P2RX3: variants seen among roughly 807,000 people sequenced by gnomAD.
P2RX3 encodes the protein P2X purinoceptor 3.
Under a neutral mutation model 51.5 loss-of-function variants are expected in P2RX3, and 41 were observed. The ratio of observed to expected loss-of-function variants is 0.80; its 90% confidence interval spans 0.62 to 1.03. The LOEUF (loss-of-function observed/expected upper bound fraction) is 1.03. P2RX3 is among the 50% of genes least tolerant of loss of function. The pLI, the probability that P2RX3 is intolerant of heterozygous loss-of-function variation, is 0.00. For synonymous variants in P2RX3, 185 were observed against 191.6 expected (o/e 0.97, Z 0.29); for missense variants, 459 against 522.1 (o/e 0.88, Z 1.18).
At position 57,348,190 on chromosome 11, in the gene P2RX3, G is replaced by A. The variant is rs186395541; in HGVS notation, c.412G>A (p.Val138Met). The change falls in exon 5 of 12, where the codon GTG (valine) becomes ATG (methionine). Residue 138 changes from valine (V) to methionine (M), a missense_variant. Val to Met is a conservative substitution (Grantham distance 21). Transcript: ENST00000263314. The part of the protein sequence containing the change: ...PGGGILTGRC[V>M]NYSSVLRTCE... The stretch of plus-strand genomic sequence containing the variant: ...TTTAGGGATCCTCACTGGCCGCTGC[G>A]TGAACTACAGCTCTGTGCTCCGGAC... 1.0e-4 allele frequency: 167 copies of A among 1,594,986 alleles called. No individual in the cohort carries two copies. Among genetic ancestry groups the A allele is most frequent in the East Asian group, 8.6e-4 (38 of 44,270 alleles).
intron 1 of P2RX3, among the ~76,000 whole-genome samples, chr11:57,341,188 T>C (rs367853020): frequency 3.9e-5 from 6 of 152,040 alleles, no homozygotes; most frequent in Admixed American, 2.6e-4. Flanking sequence ...TCCCTGGAAG[T>C]GGAAGGAGTA....
chr11:57,340,289 C>G (rs577222144), intron 1 of P2RX3, among the ~76,000 whole-genome samples: 26 of 152,338 alleles, frequency 1.7e-4, no homozygotes, highest in African/African-American at 6.3e-4. Flanking sequence ...GCTCAGCCCC[C>G]ACTGCCCTTG....
At chr11:57,353,829 A>C (rs1856584985) in intron 8 of P2RX3, among the ~76,000 whole-genome samples, 1 of 79,910 alleles carries the variant, frequency 1.3e-5, no homozygotes. Context: ...CTCCCTTCCA[A>C]ATGTCACTCC....
At position 57,350,917 on chromosome 11, in the gene P2RX3, G is replaced by GT. The variant is rs755641805; in HGVS notation, c.842+19_842+20insT. The GT allele has an allele frequency of 4.3e-6, 7 of 1,613,988 alleles. No individual in the cohort carries two copies. The South Asian group carries it at 7.7e-5, about 18-fold the overall frequency. On this transcript the variant is annotated intron_variant, in intron 8 of 11. Transcript: ENST00000263314. ...ACTTCAGGTAATTCCCTGTCTCCTG[G>GT]GACACCAGGAGAAGAAGGTGCGGGC...
At chr11:57,363,422 T>G (rs1482326281) in intron 8 of P2RX3, among the ~76,000 whole-genome samples, 1 of 152,134 alleles carries the variant, frequency 6.6e-6, no homozygotes, top group Non-Finnish European at 1.5e-5. Context: ...GGGAGCGCCA[T>G]GCAGTCATTC....
intron 1 of P2RX3, 36 bp from the exon 2 acceptor site, chr11:57,346,508 C>G: frequency 6.2e-7 from 1 of 1,608,640 alleles, no homozygotes; most frequent in Non-Finnish European, 8.5e-7. Flanking sequence ...TCTATGGACT[C>G]CTCTCTTTCT....
At chr11:57,350,993 A>C (rs3741090) in intron 8 of P2RX3, 95 bp downstream of exon 8, 454,794 of 1,349,218 alleles carry the variant, frequency 0.34, 75,010 homozygotes, top group East Asian at 0.63. Flanking sequence ...CCATCCACCC[A>C]CCCCTGGCCC....
intron 8 of P2RX3, among the ~76,000 whole-genome samples, chr11:57,356,605 C>T (rs531400615): frequency 6.6e-6 from 1 of 152,212 alleles, no homozygotes; most frequent in Non-Finnish European, 1.5e-5. Flanking sequence ...CAGGCAGAAA[C>T]GTGTGGATCA....
intron 8 of P2RX3, among the ~76,000 whole-genome samples, chr11:57,364,125 C>G (rs758442186): frequency 6.6e-6 from 1 of 152,146 alleles, no homozygotes; most frequent in Non-Finnish European, 1.5e-5. Flanking sequence ...TAAAGATTTC[C>G]GGATGACAGG....
chr11:57,363,406 G>C (rs947180962), intron 8 of P2RX3, among the ~76,000 whole-genome samples: 2 of 152,254 alleles, frequency 1.3e-5, no homozygotes, highest in Admixed American at 6.5e-5. Context: ...TGGGCCAGTG[G>C]GGGTGGGGAG....
intron 8 of P2RX3, among the ~76,000 whole-genome samples, chr11:57,360,064 CTCATT>C (rs1168801559): frequency 1.3e-5 from 2 of 152,208 alleles, no homozygotes; most frequent in Non-Finnish European, 2.9e-5. Flanking sequence ...CCAGGACTAT[CTCATT>C]TCAAAGTGCG....
At position 57,369,290 on chromosome 11, in the gene P2RX3, C is replaced by T. The variant is rs760157761; in HGVS notation, c.1003-71C>T. On this transcript the variant is annotated intron_variant, in intron 10 of 11. Transcript: ENST00000263314. ...GCTTGGGGGTGCTGCCCGAGCCCAG[C>T]ACTTCCTGCCACCCTGATCCCACCC... 16 of 1,369,856 alleles carry T rather than the reference C, an allele frequency of 1.2e-5. 1 individual carries two copies. The Admixed American group carries it at 1.2e-4, about 10-fold the overall frequency. The allele number at this position is 1,369,856 out of a possible 1,614,324, so 84.9% of individuals were successfully genotyped here.
chr11:57,368,356 G>T lies in P2RX3; in HGVS notation c.937-16G>T. The T allele has an allele frequency of 6.2e-7, 1 of 1,614,090 alleles. No individual in the cohort carries two copies. The highest frequency in any genetic ancestry group is 8.5e-7 in the Non-Finnish European group (1 of 1,180,020). On this transcript the variant is annotated splice_polypyrimidine_tract_variant and intron_variant, in intron 9 of 11. Transcript: ENST00000263314. Reference sequence around the variant, plus strand: ...ATGGGCCCTCTGCCCACTTGCCTTGGTCTTTGTGCACACAGGCTGGCAAGT... The same window carrying T: ...ATGGGCCCTCTGCCCACTTGCCTTGTTCTTTGTGCACACAGGCTGGCAAGT...
intron 8 of P2RX3, 91 bp downstream of exon 8, chr11:57,350,989 A>ACC (rs3832768): frequency 3.9e-6 from 6 of 1,548,460 alleles, no homozygotes; most frequent in Non-Finnish European, 4.4e-6. Context: ...ACATCCATCC[A>ACC]CCCACCCCTG....
intron 1 of P2RX3, among the ~76,000 whole-genome samples, chr11:57,344,410 T>C (rs1442325365): frequency 6.6e-6 from 1 of 152,134 alleles, no homozygotes; most frequent in Non-Finnish European, 1.5e-5. Context: ...TTATCAATAA[T>C]AAATAGGGCT....
At chr11:57,369,580 G>T in intron 11 of P2RX3, 142 bp downstream of exon 11, 1 of 799,678 alleles carries the variant, frequency 1.3e-6, no homozygotes. Context: ...TCCAGACAAG[G>T]GAAGGCTTGG....
At chr11:57,343,485 G>C (rs1052701436) in intron 1 of P2RX3, among the ~76,000 whole-genome samples, 1 of 152,232 alleles carries the variant, frequency 6.6e-6, no homozygotes, top group East Asian at 1.9e-4. Context: ...TGTCTGGTTA[G>C]AGCTGACATA....
At chr11:57,341,502 C>T (rs1371115188) in intron 1 of P2RX3, among the ~76,000 whole-genome samples, 1 of 152,092 alleles carries the variant, frequency 6.6e-6, no homozygotes, top group Non-Finnish European at 1.5e-5. Flanking sequence ...TTCCTTTACC[C>T]ACTCCAGGGC....
intron 1 of P2RX3, among the ~76,000 whole-genome samples, chr11:57,339,383 A>G (rs1856296896): frequency 6.6e-6 from 1 of 152,006 alleles, no homozygotes; most frequent in Non-Finnish European, 1.5e-5. Flanking sequence ...GAATCCAGAA[A>G]TGCTCCCCTT....
Sources: gnomAD v4.1 joint callset for allele counts (sites outside exome capture counted in the v4.1 genomes callset) on GRCh38, gnomAD v4.1.1 for gene constraint, MANE v1.5 for transcripts, NCBI Gene and HGNC (gene_info 2026-07-23, HGNC 2026-07-21) for gene names.